Variants in FLT3 observed in about 807,000 individuals in gnomAD.
The protein encoded by FLT3 is fms related receptor tyrosine kinase 3.
In FLT3, 46 loss-of-function variants were observed where a neutral mutation model predicts 126.6. That is an observed-to-expected ratio of 0.36 (90% CI 0.29 to 0.46). The LOEUF (loss-of-function observed/expected upper bound fraction) is 0.46, where lower values mean the gene tolerates loss of function less well. Ranked by LOEUF, FLT3 falls within the 20% of genes least tolerant of loss-of-function variation. The pLI, the probability that FLT3 is intolerant of heterozygous loss-of-function variation, is 1.00. For missense variants in FLT3, 1,069 were observed against 1,190.3 expected (o/e 0.90, Z 1.50); for synonymous variants, 404 against 434.4 (o/e 0.93, Z 0.87).
At chr13:28,086,672 G>A (rs777115202) in intron 1 of FLT3, among the ~76,000 whole-genome samples, 9 of 149,446 alleles carry the variant, frequency 6.0e-5, no homozygotes, top group Non-Finnish European at 1.0e-4. Flanking sequence ...GTTTGAGATG[G>A]AGTTTGCTCT....
chr13:28,042,641 A>G (rs1291268125), intron 9 of FLT3, among the ~76,000 whole-genome samples: 2 of 152,206 alleles, frequency 1.3e-5, no homozygotes, highest in Non-Finnish European at 2.9e-5. Flanking sequence ...TGCACATGGT[A>G]AGAGCTCAAA....
intron 9 of FLT3, 152 bp from the exon 10 acceptor site, chr13:28,037,440 C>A: frequency 1.7e-6 from 1 of 599,126 alleles, no homozygotes; most frequent in Admixed American, 2.9e-5. Context: ...TAGACCCTTG[C>A]TACTCAAAGT....
intron 23 of FLT3, among the ~76,000 whole-genome samples, chr13:28,013,707 G>A (rs1198410545): frequency 3.3e-5 from 5 of 152,174 alleles, no homozygotes; most frequent in Non-Finnish European, 7.4e-5. Context: ...GGACACAATT[G>A]GGAGACAGAG....
intron 5 of FLT3, among the ~76,000 whole-genome samples, chr13:28,050,707 A>G (rs1456290596): frequency 1.3e-5 from 2 of 152,178 alleles, no homozygotes; most frequent in Non-Finnish European, 2.9e-5. Context: ...GGTGTCACCC[A>G]CAAGGGAAGT....
At chr13:28,041,896 C>T (rs561132871) in intron 9 of FLT3, among the ~76,000 whole-genome samples, 349 of 152,190 alleles carry the variant, frequency 2.3e-3, no homozygotes, top group African/African-American at 8.3e-3. Context: ...CTCACGCCTG[C>T]AATCCCAACA....
chr13:28,068,025 G>T, intron 2 of FLT3: 1 of 175,730 alleles, frequency 5.7e-6, no homozygotes, highest in Non-Finnish European at 1.2e-5. Flanking sequence ...GAGACTTTTT[G>T]TTTTTATTAT....
At chr13:28,004,964 G>A (rs986989474) in intron 23 of FLT3, among the ~76,000 whole-genome samples, 4 of 152,174 alleles carry the variant, frequency 2.6e-5, no homozygotes, top group Non-Finnish European at 4.4e-5. Context: ...TTTCTGAAAT[G>A]AAGAGATTTA....
chr13:28,028,762 T>C (rs1271509526), intron 15 of FLT3, among the ~76,000 whole-genome samples: 1 of 17,508 alleles, frequency 5.7e-5, no homozygotes, highest in Non-Finnish European at 5.8e-4. Context: ...TTCTCCTTTT[T>C]CTTTTTTTTT....
chr13:28,069,107 G>T (rs1055604826), intron 2 of FLT3, among the ~76,000 whole-genome samples: 1 of 152,128 alleles, frequency 6.6e-6, no homozygotes, highest in Non-Finnish European at 1.5e-5. Context: ...AATCATGGAG[G>T]GTTCAGAGCC....
At chr13:28,083,578 TAA>T (rs1447617611) in intron 1 of FLT3, among the ~76,000 whole-genome samples, 1 of 152,240 alleles carries the variant, frequency 6.6e-6, no homozygotes, top group Non-Finnish European at 1.5e-5. Context: ...ATTTCCTCTT[TAA>T]ATGTTTGGTG....
At position 28,050,184 on chromosome 13, in the gene FLT3, T is replaced by C. The variant is rs1875308645; in HGVS notation, c.653A>G (p.Glu218Gly). The C allele has an allele frequency of 1.9e-6, 3 of 1,614,078 alleles. No individual in the cohort carries two copies. The East Asian group carries it at 6.7e-5, about 36-fold the overall frequency. ...EESPAVVKKE[E>G]KVLHELFGTD... ...CCCAAATAATTCATGAAGCACTTTTTCCTCCTTTTTAACAACAGCTGGACT... is the reference window on the plus strand; with the variant it reads ...CCCAAATAATTCATGAAGCACTTTTCCCTCCTTTTTAACAACAGCTGGACT... Residue 218 changes from glutamate (E) to glycine (G), a missense_variant, in exon 6 of 24, where the codon GAA becomes GGA. Coordinates refer to ENST00000241453, the MANE Select transcript of FLT3 (RefSeq NM_004119.3).
At chr13:28,035,303 A>C (rs1229766699) in intron 12 of FLT3, among the ~76,000 whole-genome samples, 192 bp downstream of exon 12, 1 of 152,198 alleles carries the variant, frequency 6.6e-6, no homozygotes, top group Non-Finnish European at 1.5e-5. Flanking sequence ...ATGAGTCACA[A>C]GGGCACAGGG....
intron 1 of FLT3, among the ~76,000 whole-genome samples, chr13:28,073,015 A>ACAAC (rs1555261273): frequency 4.0e-5 from 6 of 149,980 alleles, no homozygotes; most frequent in African/African-American, 1.5e-4. Flanking sequence ...TAAAAAAAAA[A>ACAAC]AACAACAACA....
chr13:28,058,194 A>G (rs1359667460), intron 3 of FLT3, among the ~76,000 whole-genome samples: 1 of 107,264 alleles, frequency 9.3e-6, no homozygotes, highest in Non-Finnish European at 1.8e-5. Flanking sequence ...CCCTACCTCT[A>G]TTTTTTAAAA....
chr13:28,088,974 T>A (rs2387355), intron 1 of FLT3, among the ~76,000 whole-genome samples: 1 of 152,100 alleles, frequency 6.6e-6, no homozygotes, highest in Non-Finnish European at 1.5e-5. Context: ...ATCCATAATA[T>A]GCAAAGAACC....
chr13:28,048,641 G>A (rs968441850), intron 8 of FLT3, among the ~76,000 whole-genome samples, 198 bp from the exon 9 acceptor site: 24 of 152,014 alleles, frequency 1.6e-4, no homozygotes, highest in Non-Finnish European at 2.8e-4. Flanking sequence ...ATCATCTTTC[G>A]AAGTTAAGAA....
intron 12 of FLT3, among the ~76,000 whole-genome samples, 178 bp from the exon 13 acceptor site, chr13:28,034,585 A>G (rs1250622642): frequency 6.6e-6 from 1 of 152,230 alleles, no homozygotes; most frequent in Non-Finnish European, 1.5e-5. Flanking sequence ...CCTGTAAAGG[A>G]TACATTTCCT....
At chr13:28,098,869 C>T (rs554370090) in intron 1 of FLT3, among the ~76,000 whole-genome samples, 8 of 151,856 alleles carry the variant, frequency 5.3e-5, no homozygotes, top group African/African-American at 1.7e-4. Flanking sequence ...AAAGAGCACA[C>T]GATGATGGTT....
intron 17 of FLT3, among the ~76,000 whole-genome samples, chr13:28,026,886 A>G (rs1872856901): frequency 6.6e-6 from 1 of 152,228 alleles, no homozygotes; most frequent in African/African-American, 2.4e-5. Flanking sequence ...TAGCTCAGCT[A>G]TAGTACCTGT....
Sources: allele counts gnomAD v4.1 joint callset (sites outside exome capture counted in the v4.1 genomes callset), GRCh38; gene constraint gnomAD v4.1.1; transcripts MANE v1.5; gene names NCBI Gene and HGNC (gene_info 2026-07-23, HGNC 2026-07-21).